Variants in SH3KBP1 observed in about 807,000 individuals in gnomAD.
The protein encoded by SH3KBP1 is SH3 domain containing kinase binding protein 1.
In SH3KBP1, 8 loss-of-function variants were observed where a neutral mutation model predicts 50.1. The observed-to-expected ratio is 0.16, with a 90% confidence interval of 0.09 to 0.29. The LOEUF (loss-of-function observed/expected upper bound fraction) is 0.29. SH3KBP1 is among the 10% of genes least tolerant of loss of function. The probability of loss-of-function intolerance (pLI) is 1.00; values close to 1 mark genes in which losing one functional copy is unlikely to be tolerated. For synonymous variants in SH3KBP1, 227 were observed against 218.6 expected (o/e 1.04, Z -0.34); for missense variants, 377 against 535.2 (o/e 0.70, Z 2.92).
chrX:19,588,730 C>T lies in SH3KBP1; in HGVS notation c.1211G>A (p.Arg404Gln), dbSNP rs1314286712. The T allele has an allele frequency of 2.5e-6, 3 of 1,201,323 alleles. No homozygotes were observed. Among genetic ancestry groups the T allele is most frequent in the Non-Finnish European group, 3.4e-6 (3 of 890,038 alleles). Residue 404 changes from arginine to glutamine, a missense_variant, in exon 12 of 18, where the codon CGG becomes CAG. Coordinates refer to ENST00000397821, the MANE Select transcript of SH3KBP1 (RefSeq NM_031892.3). Reference sequence around the variant, plus strand: ...GCTGAGAGAATTGGTCTTAGGTGGCCGAGGCTTTTTTGGCGGTATGGCAGG... The same window carrying T: ...GCTGAGAGAATTGGTCTTAGGTGGCTGAGGCTTTTTTGGCGGTATGGCAGG... Reference protein sequence around the residue: ...SVPAIPPKKPRPPKTNSLSRP... With the variant: ...SVPAIPPKKPQPPKTNSLSRP...
chrX:19,575,967 G>A (rs781355123), intron 12 of SH3KBP1, among the ~76,000 whole-genome samples: 1 of 111,633 alleles, frequency 9.0e-6, no homozygotes, highest in Non-Finnish European at 1.9e-5. Flanking sequence ...AAAGGAAAAA[G>A]CCCATCCTTT....
At chrX:19,759,789 A>C (rs1005894651) in intron 2 of SH3KBP1, among the ~76,000 whole-genome samples, 2 of 111,671 alleles carry the variant, frequency 1.8e-5, no homozygotes, top group African/African-American at 6.5e-5. Flanking sequence ...ACTGTGGTTA[A>C]CAAAAAGATC....
chrX:19,544,989 T>C (rs1461893471), intron 15 of SH3KBP1, among the ~76,000 whole-genome samples: 1 of 112,581 alleles, frequency 8.9e-6, no homozygotes, highest in Non-Finnish European at 1.9e-5. Context: ...GATGGAATCC[T>C]TTTATAAAGA....
chrX:19,862,460 T>C (rs753729104), intron 1 of SH3KBP1, among the ~76,000 whole-genome samples: 12 of 111,861 alleles, frequency 1.1e-4, no homozygotes, highest in African/African-American at 3.9e-4. Context: ...CCCATAAATT[T>C]TGTGTAAAGC....
intron 8 of SH3KBP1, among the ~76,000 whole-genome samples, chrX:19,617,200 A>G (rs906844843): frequency 8.9e-6 from 1 of 111,839 alleles, no homozygotes; most frequent in Admixed American, 9.5e-5. Context: ...TTGATGTAAA[A>G]CTCACTTTTA....
At chrX:19,871,507 G>A (rs2069039610) in intron 1 of SH3KBP1, among the ~76,000 whole-genome samples, 1 of 112,412 alleles carries the variant, frequency 8.9e-6, no homozygotes, top group African/African-American at 3.2e-5. Flanking sequence ...TTATTATCAT[G>A]AACTTTAGAA....
chrX:19,666,648 C>T (rs2062606194), intron 6 of SH3KBP1, among the ~76,000 whole-genome samples: 1 of 111,360 alleles, frequency 9.0e-6, no homozygotes, highest in South Asian at 3.8e-4. Flanking sequence ...GATACCACTT[C>T]ACACCCATTA....
chrX:19,721,290 T>C (rs774223280), intron 3 of SH3KBP1, among the ~76,000 whole-genome samples: 1 of 111,640 alleles, frequency 9.0e-6, no homozygotes, highest in Non-Finnish European at 1.9e-5. Context: ...CATCTTTTAC[T>C]ATCTTCTGAA....
At chrX:19,607,910 C>T (rs376229789) in intron 9 of SH3KBP1, 28 bp downstream of exon 9, 29 of 1,159,888 alleles carry the variant, frequency 2.5e-5, no homozygotes, top group Admixed American at 2.4e-4. Context: ...GCCACAACTC[C>T]GCTGAAATCA....
chrX:19,584,832 G>A (rs1370553438), intron 12 of SH3KBP1, among the ~76,000 whole-genome samples: 1 of 112,028 alleles, frequency 8.9e-6, no homozygotes, highest in African/African-American at 3.3e-5. Flanking sequence ...CAGCTGGAGT[G>A]GCAATGCCTG....
chrX:19,625,697 A>G (rs1430615237), intron 8 of SH3KBP1, among the ~76,000 whole-genome samples: 2 of 111,967 alleles, frequency 1.8e-5, no homozygotes, highest in Non-Finnish European at 3.8e-5. Flanking sequence ...TAACAATGAT[A>G]ATGTCATTAC....
chrX:19,625,419 G>A (rs1028176118), intron 8 of SH3KBP1, among the ~76,000 whole-genome samples: 1 of 110,815 alleles, frequency 9.0e-6, no homozygotes, highest in African/African-American at 3.3e-5. Context: ...CTCTGGGCAT[G>A]GGAAGAAACT....
chrX:19,798,094 A>T (rs2066774879), intron 2 of SH3KBP1, among the ~76,000 whole-genome samples: 2 of 110,568 alleles, frequency 1.8e-5, no homozygotes, highest in South Asian at 7.7e-4. Flanking sequence ...TTTTATTTTT[A>T]TTTTTTTGAC....
intron 13 of SH3KBP1, among the ~76,000 whole-genome samples, chrX:19,554,002 AATATAATATATAAT>A (rs1228442363): frequency 8.1e-4 from 45 of 55,415 alleles, no homozygotes; most frequent in Admixed American, 1.6e-3. Context: ...TATATATTAA[AATATAATATATAAT>A]ATATATTAAA....
chrX:19,569,761 G>A (rs750054873), intron 12 of SH3KBP1, among the ~76,000 whole-genome samples: 3 of 111,483 alleles, frequency 2.7e-5, no homozygotes, highest in Non-Finnish European at 5.7e-5. Flanking sequence ...TGCTCATCAG[G>A]ACACGAATGA....
chrX:19,732,866 T>A (rs2064421668), intron 3 of SH3KBP1, among the ~76,000 whole-genome samples: 1 of 111,232 alleles, frequency 9.0e-6, no homozygotes, highest in Non-Finnish European at 1.9e-5. Flanking sequence ...ATACAAAAAA[T>A]ATGAGGGGAA....
At chrX:19,651,928 G>A (rs1174734518) in intron 6 of SH3KBP1, among the ~76,000 whole-genome samples, 1 of 111,867 alleles carries the variant, frequency 8.9e-6, no homozygotes, top group East Asian at 2.8e-4. Context: ...TTCAGAAATA[G>A]TGCCCACCTC....
At position 19,780,268 on chromosome X, in the gene SH3KBP1, C is replaced by T. The variant is rs1337872125; in HGVS notation, c.163-33827G>A. 4.7e-3 allele frequency among the ~76,000 whole-genome samples: 457 copies of T among 98,045 alleles called. 5 individuals carry two copies. The highest frequency in any genetic ancestry group is 0.016 in the African/African-American group (418 of 26,530). 85.1% of individuals were successfully genotyped at this position (98,045 alleles called of 115,157 possible). A position where few individuals can be genotyped will look rare whatever the true frequency, so the allele number is the denominator to read the frequency against. On this transcript the variant is annotated intron_variant, in intron 2 of 17. Coordinates refer to ENST00000397821, the MANE Select transcript of SH3KBP1 (RefSeq NM_031892.3). ...TTGAGAAGTGTCTGTTCATGTCCTT[C>T]GCCCACTTTTTGATGGGGTTGTTTG...
chrX:19,694,565 G>C (rs943505838), intron 5 of SH3KBP1, among the ~76,000 whole-genome samples: 5 of 110,154 alleles, frequency 4.5e-5, no homozygotes, highest in Non-Finnish European at 9.5e-5. Flanking sequence ...GAGGGAAGGA[G>C]CACTGCTGAA....
Sources: gnomAD v4.1 joint callset for allele counts (sites outside exome capture counted in the v4.1 genomes callset) on GRCh38, gnomAD v4.1.1 for gene constraint, MANE v1.5 for transcripts, NCBI Gene and HGNC (gene_info 2026-07-23, HGNC 2026-07-21) for gene names.